Variants in EYA4 observed in about 807,000 individuals in gnomAD.
EYA4 encodes the protein protein phosphatase EYA4.
In EYA4, 31 loss-of-function variants were observed where a neutral mutation model predicts 87.9. The ratio of observed to expected loss-of-function variants is 0.35; its 90% CI spans 0.27 to 0.48. EYA4 has a LOEUF of 0.48. EYA4 is among the 20% of genes least tolerant of loss of function. The pLI is 0.99. For synonymous variants in EYA4, 263 were observed against 270.6 expected, an observed-to-expected ratio of 0.97 and a Z score of 0.28; for missense variants, 678 against 761.4, an observed-to-expected ratio of 0.89 and a Z score of 1.29.
intron 3 of EYA4, among the ~76,000 whole-genome samples, chr6:133,422,249 C>T (rs577648196): frequency 2.0e-5 from 3 of 152,212 alleles, no homozygotes; most frequent in South Asian, 4.2e-4. Flanking sequence ...AAAACACTAT[C>T]CTGAATTTAG....
chr6:133,474,653 T>C (rs1313638679), intron 11 of EYA4, among the ~76,000 whole-genome samples: 2 of 152,188 alleles, frequency 1.3e-5, no homozygotes, highest in Non-Finnish European at 2.9e-5. Context: ...TAAAGAATTC[T>C]ATGACCTCAG....
chr6:133,315,442 C>A (rs866505722), intron 2 of EYA4, among the ~76,000 whole-genome samples: 7 of 152,084 alleles, frequency 4.6e-5, no homozygotes, highest in African/African-American at 1.7e-4. Context: ...ATTAAAATTA[C>A]AATTTTGTGG....
chr6:133,514,913 C>A (rs1799456367), intron 16 of EYA4, among the ~76,000 whole-genome samples: 1 of 152,182 alleles, frequency 6.6e-6, no homozygotes, highest in African/African-American at 2.4e-5. Context: ...CGTTTTCAGA[C>A]AGTCAAAACA....
chr6:133,435,126 G>A (rs1791533017), intron 3 of EYA4: 1 of 152,214 alleles, frequency 6.6e-6, no homozygotes, highest in African/African-American at 2.4e-5. Flanking sequence ...GGAGAGAACT[G>A]ACATGTTTTA....
At chr6:133,244,183 C>T (rs1038538686) in intron 1 of EYA4, among the ~76,000 whole-genome samples, 16 of 152,076 alleles carry the variant, frequency 1.1e-4, no homozygotes, top group Non-Finnish European at 2.4e-4. Context: ...AGCCTGTTTT[C>T]CTTTGTAAAT....
chr6:133,404,606 CCA>C (rs1333711384), intron 3 of EYA4, among the ~76,000 whole-genome samples: 1 of 152,150 alleles, frequency 6.6e-6, no homozygotes, highest in Non-Finnish European at 1.5e-5. Context: ...GTTTCAGCAC[CCA>C]CAGTCTTCTA....
intron 2 of EYA4, among the ~76,000 whole-genome samples, chr6:133,354,278 G>A (rs1783851467): frequency 6.6e-6 from 1 of 152,136 alleles, no homozygotes; most frequent in African/African-American, 2.4e-5. Flanking sequence ...AGAGGTGGAA[G>A]TTGTTATCTT....
intron 3 of EYA4, among the ~76,000 whole-genome samples, chr6:133,392,867 A>C (rs1583157943): frequency 6.6e-6 from 1 of 152,246 alleles, no homozygotes. Flanking sequence ...TCCTACAGTA[A>C]ACTGAGCTCA....
chr6:133,253,881 C>G (rs993217017), intron 1 of EYA4, among the ~76,000 whole-genome samples: 23 of 151,964 alleles, frequency 1.5e-4, no homozygotes, highest in African/African-American at 5.6e-4. Context: ...TATCTTTTTC[C>G]CTCCGTAACC....
intron 17 of EYA4, among the ~76,000 whole-genome samples, chr6:133,522,105 TAAAGTA>T (rs1192775080): frequency 1.4e-5 from 2 of 145,256 alleles, no homozygotes; most frequent in East Asian, 4.1e-4. Context: ...CCCTAAAACT[TAAAGTA>T]TAATAATAAA....
At chr6:133,341,285 C>A (rs1159445129) in intron 2 of EYA4, among the ~76,000 whole-genome samples, 1 of 152,160 alleles carries the variant, frequency 6.6e-6, no homozygotes, top group Non-Finnish European at 1.5e-5. Context: ...CTGGCTTTTC[C>A]ACTTACCTTT....
At chr6:133,245,474 T>G (rs1471809946) in intron 1 of EYA4, among the ~76,000 whole-genome samples, 1 of 152,244 alleles carries the variant, frequency 6.6e-6, no homozygotes, top group African/African-American at 2.4e-5. Context: ...TATCTTAAAC[T>G]AATTATATTC....
intron 2 of EYA4, among the ~76,000 whole-genome samples, chr6:133,376,793 A>G (rs1785728356): frequency 6.6e-6 from 1 of 152,016 alleles, no homozygotes; most frequent in African/African-American, 2.4e-5. Context: ...AGATATTGAA[A>G]GTATTAATTA....
At chr6:133,353,597 C>T (rs183199370) in intron 2 of EYA4, among the ~76,000 whole-genome samples, 53 of 152,212 alleles carry the variant, frequency 3.5e-4, no homozygotes, top group African/African-American at 1.2e-3. Context: ...TTGAGATAAA[C>T]GTGAAAATTC....
rs115978698 is a variant in EYA4, at chr6:133,487,617, A to C, written c.1191+4502A>C. Among the ~76,000 whole-genome samples the C allele has an allele frequency of 1.8e-3, 281 of 152,302 alleles. 1 individual carries two copies. The highest frequency in any genetic ancestry group is 6.5e-3 in the African/African-American group (272 of 41,568). ...CCTGGTTCTGAGATAACATTTCTAC[A>C]CACGCCCTGAAGGAAGCTTGCTTCC... On this transcript the variant is annotated intron_variant, in intron 13 of 19. Coordinates refer to ENST00000355286, the MANE Select transcript of EYA4 (RefSeq NM_004100.5).
Position 133,381,837 on chromosome 6 carries a change from A to C in EYA4, c.34-555A>C, listed in dbSNP as rs552978372. On this transcript the variant is annotated intron_variant, in intron 2 of 19. Transcript: ENST00000355286. ...TCATCCTTTACCTCTGTGGGTTAAA[A>C]ACCACAAAGTTGAAATATAGTCTGC... Among the ~76,000 whole-genome samples, 3 of 152,322 alleles carry C rather than the reference A, an allele frequency of 2.0e-5. No homozygotes were observed. In the South Asian group the frequency reaches 6.2e-4, roughly 32 times the overall value.
At chr6:133,271,881 G>A (rs975755449) in intron 1 of EYA4, among the ~76,000 whole-genome samples, 3 of 152,188 alleles carry the variant, frequency 2.0e-5, no homozygotes, top group Non-Finnish European at 2.9e-5. Flanking sequence ...CCATTTGTGA[G>A]CACTCATATG....
intron 2 of EYA4, among the ~76,000 whole-genome samples, chr6:133,315,479 T>C (rs546368421): frequency 3.3e-5 from 5 of 152,270 alleles, no homozygotes; most frequent in Admixed American, 6.5e-5. Flanking sequence ...AGGGGAAAAA[T>C]CTACCGTTAT....
chr6:133,499,745 C>G (rs1207905227), intron 13 of EYA4, among the ~76,000 whole-genome samples: 3 of 152,052 alleles, frequency 2.0e-5, no homozygotes, highest in East Asian at 1.9e-4. Context: ...ACAGAATGAT[C>G]TTTATGGAGG....
Sources: gnomAD v4.1 joint callset for allele counts (sites outside exome capture counted in the v4.1 genomes callset) on GRCh38, gnomAD v4.1.1 for gene constraint, MANE v1.5 for transcripts, NCBI Gene and HGNC (gene_info 2026-07-23, HGNC 2026-07-21) for gene names.